Variants in MTUS2 observed in about 807,000 individuals in gnomAD.
MTUS2 encodes microtubule-associated tumor suppressor candidate 2.
Under a neutral mutation model 114.1 loss-of-function variants are expected in MTUS2, and 40 were observed. The observed-to-expected ratio is 0.35, with a 90% CI of 0.27 to 0.46. The LOEUF (loss-of-function observed/expected upper bound fraction) is 0.46. Ranked by LOEUF, MTUS2 falls within the 20% of genes least tolerant of loss-of-function variation. The pLI is 1.00. For missense variants in MTUS2, 1,679 were observed against 1,705.4 expected, an observed-to-expected ratio of 0.98 and a Z score of 0.27; for synonymous variants, 688 against 672.0, an observed-to-expected ratio of 1.02 and a Z score of -0.37.
chr13:29,066,084 C>T (rs946342954), intron 4 of MTUS2, among the ~76,000 whole-genome samples: 1 of 152,136 alleles, frequency 6.6e-6, no homozygotes, highest in African/African-American at 2.4e-5. Flanking sequence ...TTATTTGCCA[C>T]GTCTTCTAGA....
chr13:29,418,938 C>G (rs1875877277), intron 8 of MTUS2, among the ~76,000 whole-genome samples: 1 of 152,230 alleles, frequency 6.6e-6, no homozygotes, highest in South Asian at 2.1e-4. Context: ...CTATGGCTAC[C>G]TTTTGGTCTG....
intron 5 of MTUS2, among the ~76,000 whole-genome samples, chr13:29,216,640 G>A (rs543777115): frequency 6.6e-6 from 1 of 152,106 alleles, no homozygotes; most frequent in East Asian, 1.9e-4. Flanking sequence ...TGCACTTCCC[G>A]GGTGAGCTGA....
At chr13:29,079,525 C>T (rs1889349051) in intron 4 of MTUS2, among the ~76,000 whole-genome samples, 1 of 152,018 alleles carries the variant, frequency 6.6e-6, no homozygotes, top group East Asian at 1.9e-4. Flanking sequence ...TATTTTTCCC[C>T]AAGAGTTTTG....
chr13:29,244,022 A>G (rs1293381107), intron 5 of MTUS2, among the ~76,000 whole-genome samples: 1 of 152,252 alleles, frequency 6.6e-6, no homozygotes, highest in Non-Finnish European at 1.5e-5. Context: ...ATGTTTGTAG[A>G]TAAGTTTACA....
intron 2 of MTUS2, among the ~76,000 whole-genome samples, chr13:29,015,853 A>T (rs28434554): frequency 0.035 from 5,341 of 152,262 alleles, 142 homozygotes; most frequent in East Asian, 0.11. Context: ...AAACAAAAAA[A>T]CAAAAATACT....
At chr13:29,489,229 G>GC (rs1466437743) in intron 11 of MTUS2, among the ~76,000 whole-genome samples, 1 of 152,080 alleles carries the variant, frequency 6.6e-6, no homozygotes, top group Non-Finnish European at 1.5e-5. Context: ...TCAAGATTGC[G>GC]CCATTGCACT....
At chr13:29,140,342 A>G (rs1892166452) in intron 5 of MTUS2, among the ~76,000 whole-genome samples, 1 of 152,226 alleles carries the variant, frequency 6.6e-6, no homozygotes, top group Non-Finnish European at 1.5e-5. Flanking sequence ...GAAGAATCTC[A>G]GGGCTAAGCA....
intron 2 of MTUS2, among the ~76,000 whole-genome samples, chr13:28,854,306 T>C (rs865999650): frequency 1.5e-4 from 23 of 152,316 alleles, no homozygotes; most frequent in Non-Finnish European, 1.8e-4. Flanking sequence ...CCACAAGAAA[T>C]TGTGGAACTA....
rs748494702 is a variant in MTUS2 at position 29,497,351 on chromosome 13, C to A, written c.3678+15C>A. On this transcript the variant is annotated intron_variant, in intron 13 of 15. Coordinates refer to ENST00000612955, the MANE Select transcript of MTUS2 (RefSeq NM_001033602.4). ...AGCAGCTGGAGGTCGTTTCTGGATT[C>A]CAGGCTTCCAGCCCCGCAGGAACCC... 3 of 1,602,866 alleles carry A rather than the reference C, an allele frequency of 1.9e-6. No homozygotes were observed. Among genetic ancestry groups the A allele is most frequent in the South Asian group, 1.1e-5 (1 of 89,518 alleles).
At chr13:29,015,081 GC>G (rs1220767258) in intron 2 of MTUS2, among the ~76,000 whole-genome samples, 5 of 152,200 alleles carry the variant, frequency 3.3e-5, no homozygotes, top group Non-Finnish European at 7.3e-5. Flanking sequence ...TTCTGGAAAA[GC>G]AATGTTGGAG....
intron 2 of MTUS2, among the ~76,000 whole-genome samples, chr13:28,968,412 T>C (rs1186630627): frequency 1.3e-5 from 2 of 152,226 alleles, no homozygotes; most frequent in African/African-American, 2.4e-5. Context: ...AGTGTAGTTA[T>C]GATTTTTATA....
intron 5 of MTUS2, among the ~76,000 whole-genome samples, chr13:29,185,214 A>G (rs1170263589): frequency 1.3e-5 from 2 of 152,116 alleles, no homozygotes; most frequent in East Asian, 1.9e-4. Context: ...AAGACAGATC[A>G]ATTGAGATTA....
intron 2 of MTUS2, among the ~76,000 whole-genome samples, chr13:28,952,138 C>T (rs1231305324): frequency 6.6e-6 from 1 of 152,168 alleles, no homozygotes; most frequent in African/African-American, 2.4e-5. Context: ...TTATTTGATA[C>T]TTTTAGTTAC....
intron 5 of MTUS2, among the ~76,000 whole-genome samples, chr13:29,154,332 T>C (rs892283838): frequency 1.3e-5 from 2 of 152,232 alleles, no homozygotes; most frequent in African/African-American, 4.8e-5. Flanking sequence ...TTCAAGTGTT[T>C]AAAAGCAACA....
At chr13:29,429,425 G>C (rs1238374832) in intron 8 of MTUS2, among the ~76,000 whole-genome samples, 1 of 152,218 alleles carries the variant, frequency 6.6e-6, no homozygotes, top group East Asian at 1.9e-4. Flanking sequence ...ATCACAGAGA[G>C]ATGAATAAAC....
chr13:28,820,299 C>CGCGGA (rs1289150471), upstream of MTUS2: 2 of 148,432 alleles, frequency 1.3e-5, no homozygotes, highest in African/African-American at 2.4e-5. Context: ...AGTGCGGGGG[C>CGCGGA]GCGGAGCGGA....
intron 2 of MTUS2, among the ~76,000 whole-genome samples, chr13:28,991,182 C>T (rs1021369674): frequency 1.3e-5 from 2 of 152,160 alleles, no homozygotes; most frequent in African/African-American, 4.8e-5. Context: ...TCATTTAAGA[C>T]TGCTGCTATG....
At chr13:29,120,911 G>A (rs1308526183) in intron 5 of MTUS2, among the ~76,000 whole-genome samples, 1 of 152,198 alleles carries the variant, frequency 6.6e-6, no homozygotes, top group Non-Finnish European at 1.5e-5. Flanking sequence ...ACCTGCTTAT[G>A]TTCAGAAAAG....
intron 7 of MTUS2, chr13:29,339,903 T>C (rs947498005): frequency 6.6e-6 from 1 of 152,584 alleles, no homozygotes; most frequent in Non-Finnish European, 1.5e-5. Context: ...GGCACTATGG[T>C]CCGGGGCCAG....
Sources: gnomAD v4.1 joint callset for allele counts (sites outside exome capture counted in the v4.1 genomes callset) on GRCh38, gnomAD v4.1.1 for gene constraint, MANE v1.5 for transcripts, NCBI Gene and HGNC (gene_info 2026-07-23, HGNC 2026-07-21) for gene names.